Variants in NEDD1 observed in about 807,000 individuals in gnomAD.
NEDD1 encodes NEDD1 gamma-tubulin ring complex targeting factor.
A neutral mutation model predicts 74.0 loss-of-function variants in NEDD1; 33 were observed. That is an observed-to-expected ratio of 0.45 (90% CI 0.34 to 0.60). The LOEUF is 0.60. Among genes scored for constraint, NEDD1 ranks in the 20% least tolerant of loss-of-function variants. The probability of loss-of-function intolerance (pLI) is 0.01; values close to 1 mark genes in which losing one functional copy is unlikely to be tolerated. For synonymous variants in NEDD1, 250 were observed against 264.4 expected, an observed-to-expected ratio of 0.95 and a Z score of 0.53; for missense variants, 746 against 776.5, an observed-to-expected ratio of 0.96 and a Z score of 0.47.
chr12:96,942,262 A>G (rs766853795), intron 10 of NEDD1, among the ~76,000 whole-genome samples: 7 of 152,140 alleles, frequency 4.6e-5, no homozygotes, highest in South Asian at 2.1e-4. Flanking sequence ...AAAGCTATTA[A>G]GTGGTATAGG....
chr12:96,919,840 G>T, intron 5 of NEDD1, 145 bp from the exon 6 acceptor site: 1 of 509,008 alleles, frequency 2.0e-6, no homozygotes. Flanking sequence ...TATCATTATT[G>T]AAAATAATTC....
At chr12:96,916,389 A>C (rs1356863808) in intron 4 of NEDD1, among the ~76,000 whole-genome samples, 1 of 125,732 alleles carries the variant, frequency 8.0e-6, no homozygotes, top group Non-Finnish European at 1.7e-5. Context: ...ATATCTCCCA[A>C]TGCTATCCCT....
chr12:96,952,180 A>G lies in NEDD1; in HGVS notation c.*127A>G. On this transcript the variant is annotated 3_prime_UTR_variant, in exon 16 of 16. Coordinates refer to ENST00000266742, the MANE Select transcript of NEDD1 (RefSeq NM_152905.4). ...TTTTTCAAGTAAGAGTAAAAGGATGATGGGATTTTATACCAACAACTGTTT... is the reference window on the plus strand; with the variant it reads ...TTTTTCAAGTAAGAGTAAAAGGATGGTGGGATTTTATACCAACAACTGTTT... 2 of 590,946 alleles carry G rather than the reference A, an allele frequency of 3.4e-6. No homozygotes were observed. Among genetic ancestry groups the G allele is most frequent in the Admixed American group, 3.3e-5 (1 of 30,652 alleles). 36.6% of individuals were successfully genotyped at this position (590,946 alleles called of 1,614,324 possible). A position where few individuals can be genotyped will look rare whatever the true frequency, so the allele number is the denominator to read the frequency against.
intron 6 of NEDD1, among the ~76,000 whole-genome samples, chr12:96,932,463 A>AATATAT (rs1555203253): frequency 9.5e-4 from 9 of 9,432 alleles, no homozygotes; most frequent in African/African-American, 1.7e-3. Flanking sequence ...AAAAAAAAAA[A>AATATAT]ATATATATAT....
chr12:96,914,559 A>G, intron 4 of NEDD1, among the ~76,000 whole-genome samples: 1 of 152,206 alleles, frequency 6.6e-6, no homozygotes, highest in Admixed American at 6.5e-5. Flanking sequence ...TTTACTAGTA[A>G]TGTTTACAGA....
At position 96,950,250 on chromosome 12, in the gene NEDD1, G is replaced by A. The variant is rs530220819; in HGVS notation, c.1812-1182G>A. Among the ~76,000 whole-genome samples, 3 of 151,982 alleles carry A rather than the reference G, an allele frequency of 2.0e-5. No homozygotes were observed. The East Asian group carries it at 5.8e-4, about 29-fold the overall frequency. ...GATACCGTGTCACACCGAGTAAATG[G>A]GAAAATATAAAAAATCTGGTAATAC... On this transcript the variant is annotated intron_variant, in intron 14 of 15. Coordinates refer to ENST00000266742, the MANE Select transcript of NEDD1 (RefSeq NM_152905.4).
rs1187642569 is a variant in NEDD1 at position 96,942,609 on chromosome 12, A to G, written c.1279A>G (p.Ile427Val). 4 of 1,522,846 alleles carry G rather than the reference A, an allele frequency of 2.6e-6. No homozygotes were observed. The highest frequency in any genetic ancestry group is 4.5e-5 in the East Asian group (2 of 44,412). The allele number at this position is 1,522,846 out of a possible 1,614,324, so 94.3% of individuals were successfully genotyped here. A position where few individuals can be genotyped will look rare whatever the true frequency, so the allele number is the denominator to read the frequency against. Residue 427 changes from isoleucine to valine, a missense_variant, in exon 11 of 16, where the codon ATA (isoleucine) becomes GTA (valine). This residue lies in a region of NEDD1 where 706 missense variants were observed against 706.7 expected (regional missense o/e 1.00). Transcript: ENST00000266742. Reference sequence around the variant, plus strand: ...AGTTAACAAGGGAAGTGATGAGTCCATAGGCAAAGGAGATGGTAAGAACTA... The same window carrying G: ...AGTTAACAAGGGAAGTGATGAGTCCGTAGGCAAAGGAGATGGTAAGAACTA... ...AVVNKGSDES[I>V]GKGDGFDFLP...
chr12:96,938,822 C>A (rs1361685414), intron 9 of NEDD1, among the ~76,000 whole-genome samples: 6 of 111,176 alleles, frequency 5.4e-5, no homozygotes, highest in Non-Finnish European at 8.1e-5. Context: ...GTCTCTCATT[C>A]TCTCTCTCTC....
At chr12:96,948,264 C>G (rs192554506) in intron 14 of NEDD1, among the ~76,000 whole-genome samples, 1 of 152,086 alleles carries the variant, frequency 6.6e-6, no homozygotes, top group African/African-American at 2.4e-5. Context: ...TTTACATGAG[C>G]GCTGAATGAA....
chr12:96,933,816 G>A lies in NEDD1; in HGVS notation c.490-1160G>A, dbSNP rs567225444. 7.4e-4 allele frequency among the ~76,000 whole-genome samples: 112 copies of A among 152,156 alleles called. 1 individual carries two copies. The East Asian group carries it at 7.5e-3, about 10-fold the overall frequency. ...TTAAATGTAAAGTACTTAATTTTCC[G>A]CCTAGTAAATGACAACATCAATACA... On this transcript the variant is annotated intron_variant, in intron 6 of 15. Transcript: ENST00000266742.
chr12:96,914,000 A>T (rs1341589989), intron 4 of NEDD1, among the ~76,000 whole-genome samples: 1 of 152,182 alleles, frequency 6.6e-6, no homozygotes, highest in Non-Finnish European at 1.5e-5. Context: ...AGTGGGATTG[A>T]CCTGAACTTC....
intron 6 of NEDD1, among the ~76,000 whole-genome samples, chr12:96,924,475 A>C (rs988690105): frequency 7.2e-5 from 11 of 152,038 alleles, no homozygotes; most frequent in African/African-American, 1.7e-4. Flanking sequence ...TAAGCCTTTA[A>C]TTTTTCTTAG....
intron 10 of NEDD1, among the ~76,000 whole-genome samples, chr12:96,940,826 C>T (rs539516803): frequency 3.3e-4 from 50 of 152,000 alleles, no homozygotes; most frequent in African/African-American, 1.1e-3. Flanking sequence ...GCAATCTGTC[C>T]CTTGTATCTA....
At chr12:96,943,476 A>G (rs1017504872) in intron 11 of NEDD1, 84 bp from the exon 12 acceptor site, 1 of 850,146 alleles carries the variant, frequency 1.2e-6, no homozygotes, top group Non-Finnish European at 1.9e-6. Context: ...CTTCCATGTT[A>G]ATCTGCCTAT....
intron 9 of NEDD1, among the ~76,000 whole-genome samples, chr12:96,939,146 T>A (rs1025930026): frequency 6.6e-6 from 1 of 152,052 alleles, no homozygotes; most frequent in Non-Finnish European, 1.5e-5. Context: ...CAGAAAAAAA[T>A]TCTGTTGCTT....
rs1873397449 is a variant in NEDD1 at position 96,907,257 on chromosome 12, A to T, written c.-305A>T. 1 of 217,734 alleles carries T rather than the reference A, an allele frequency of 4.6e-6. No homozygotes were observed. The highest frequency in any genetic ancestry group is 1.3e-4 in the South Asian group (1 of 7,808). 13.5% of individuals were successfully genotyped at this position (217,734 alleles called of 1,614,324 possible). On this transcript the variant is annotated 5_prime_UTR_variant, in exon 1 of 16. Transcript: ENST00000266742. ...CAGTCCAGGCGGGAGCCGGAAGCCC[A>T]GCGCGGAGCCGGCCGCGGCCCCCTG...
At chr12:96,935,305 G>C in intron 7 of NEDD1, 100 bp downstream of exon 7, 1 of 704,220 alleles carries the variant, frequency 1.4e-6, no homozygotes, top group Non-Finnish European at 2.4e-6. Context: ...TAGTGTCCAG[G>C]GGTCCTAAAG....
At chr12:96,914,880 G>A (rs1220590620) in intron 4 of NEDD1, among the ~76,000 whole-genome samples, 1 of 152,100 alleles carries the variant, frequency 6.6e-6, no homozygotes, top group Non-Finnish European at 1.5e-5. Context: ...CTATCAACAG[G>A]GTTAGCCAGC....
At chr12:96,951,045 C>G (rs917756140) in intron 14 of NEDD1, among the ~76,000 whole-genome samples, 10 of 151,756 alleles carry the variant, frequency 6.6e-5, no homozygotes, top group African/African-American at 2.2e-4. Context: ...AAGTTTGTGT[C>G]TTAATGACAA....
Sources: gnomAD v4.1 joint callset for allele counts (sites outside exome capture counted in the v4.1 genomes callset) on GRCh38, gnomAD v4.1.1 for gene constraint, gnomAD v4.1.1 regional missense constraint, MANE v1.5 for transcripts, NCBI Gene and HGNC (gene_info 2026-07-23, HGNC 2026-07-21) for gene names.